The following PEDS1 variants were observed in gnomAD, a reference collection of about 807,000 sequenced individuals.
The protein encoded by PEDS1 is CarF homolog.
In PEDS1, 14 loss-of-function variants were observed where a neutral mutation model predicts 35.2. The ratio of observed to expected loss-of-function variants is 0.40; its 90% CI spans 0.26 to 0.62. The LOEUF (loss-of-function observed/expected upper bound fraction) is 0.62, where lower values mean the gene tolerates loss of function less well. Among genes scored for constraint, PEDS1 ranks in the 20% least tolerant of loss-of-function variants. The pLI, the probability that PEDS1 is intolerant of heterozygous loss-of-function variation, is 0.44. For missense variants in PEDS1, 260 were observed against 367.8 expected, an observed-to-expected ratio of 0.71 and a Z score of 2.40; for synonymous variants, 152 against 152.0, an observed-to-expected ratio of 1.00 and a Z score of 0.00.
At chr20:50,148,681 C>A (rs2081370710) in intron 1 of PEDS1, among the ~76,000 whole-genome samples, 1 of 152,110 alleles carries the variant, frequency 6.6e-6, no homozygotes, top group Non-Finnish European at 1.5e-5. Flanking sequence ...AGCTGGACTT[C>A]TGAGGACCCC....
Position 50,153,618 on chromosome 20 carries a change from C to A in PEDS1, c.20G>T (p.Trp7Leu), listed in dbSNP as rs1234947502. 2 of 1,304,038 alleles carry A rather than the reference C, an allele frequency of 1.5e-6. No homozygotes were observed. Among genetic ancestry groups the A allele is most frequent in the Non-Finnish European group, 2.0e-6 (2 of 1,021,402 alleles). The allele number at this position is 1,304,038 out of a possible 1,614,324, so 80.8% of individuals were successfully genotyped here. Residue 7 changes from tryptophan to leucine, a missense_variant, in exon 1 of 6, where the codon TGG becomes TTG. By Grantham distance (61) the Trp-to-Leu change is moderately conservative. Transcript: ENST00000371652. MAGAENWPGQQLELDED... is the reference protein window; with the variant it reads MAGAENLPGQQLELDED... ...GTCCAGCTCCAGCTGCTGGCCCGGC[C>A]AGTTCTCGGCGCCCGCCATGGCCAC...
Position 50,128,602 on chromosome 20 carries a change from T to G in PEDS1, c.479-415A>C, listed in dbSNP as rs1261061905. On this transcript the variant is annotated intron_variant, in intron 4 of 5. Transcript: ENST00000371652. The surrounding 1 kb of genome is among the most constrained non-coding windows in gnomAD (Gnocchi z 5.2). Reference sequence around the variant, plus strand: ...AAGCGGAGCCTGAAACAGGTTCTTGTGCATGTGATTTATCAAGGGAGCCTC... The same window carrying G: ...AAGCGGAGCCTGAAACAGGTTCTTGGGCATGTGATTTATCAAGGGAGCCTC... Among the ~76,000 whole-genome samples the G allele has an allele frequency of 6.6e-6, 1 of 152,050 alleles. No homozygotes were observed. The highest frequency in any genetic ancestry group is 1.5e-5 in the Non-Finnish European group (1 of 68,008).
At chr20:50,143,643 G>C in intron 1 of PEDS1, 22 bp from the exon 2 acceptor site, 2 of 1,613,588 alleles carry the variant, frequency 1.2e-6, no homozygotes, top group Non-Finnish European at 1.7e-6. Context: ...AGAGGCGAGA[G>C]GTAAAGGCTG....
At position 50,124,914 on chromosome 20, in the gene PEDS1, G is replaced by T; in HGVS notation, c.*144C>A. On this transcript the variant is annotated 3_prime_UTR_variant, in exon 6 of 6. Coordinates refer to ENST00000371652, the MANE Select transcript of PEDS1 (RefSeq NM_199129.4). ...CAGTGGCTCAAGTATTCTGTGTCAT[G>T]AGGGGTGGGCTGGGGTACCTGGGCC... The T allele has an allele frequency of 2.8e-6, 3 of 1,068,548 alleles. No homozygotes were observed. The highest frequency in any genetic ancestry group is 4.1e-6 in the Non-Finnish European group (3 of 733,286). The allele number at this position is 1,068,548 out of a possible 1,614,324, so 66.2% of individuals were successfully genotyped here. A position where few individuals can be genotyped will look rare whatever the true frequency, so the allele number is the denominator to read the frequency against.
At chr20:50,140,294 C>T (rs535561872) in intron 2 of PEDS1, among the ~76,000 whole-genome samples, 6 of 152,356 alleles carry the variant, frequency 3.9e-5, no homozygotes, top group South Asian at 4.1e-4. Flanking sequence ...CCATGGCAGG[C>T]GCCTCCTCCC....
At chr20:50,152,566 G>A (rs1601238853) in intron 1 of PEDS1, among the ~76,000 whole-genome samples, 1 of 152,144 alleles carries the variant, frequency 6.6e-6, no homozygotes, top group African/African-American at 2.4e-5. Context: ...GGTGTAGGGG[G>A]GGTGCTTGCT....
At position 50,122,061 on chromosome 20, in the gene PEDS1, T is replaced by C. The variant is rs1487338111; in HGVS notation, c.*2997A>G. 6.6e-6 allele frequency: 1 copy of C among 152,210 alleles called. No individual in the cohort carries two copies. Among genetic ancestry groups the C allele is most frequent in the Non-Finnish European group, 1.5e-5 (1 of 68,050 alleles). 9.4% of individuals were successfully genotyped at this position (152,210 alleles called of 1,614,324 possible). Reference sequence around the variant, plus strand: ...GGGCACGTGACCCAGTCCAGACCAATGAGAGCCTGCCCTGGGACTTCCACT... The same window carrying C: ...GGGCACGTGACCCAGTCCAGACCAACGAGAGCCTGCCCTGGGACTTCCACT... On this transcript the variant is annotated 3_prime_UTR_variant, in exon 6 of 6. Coordinates refer to ENST00000371652, the MANE Select transcript of PEDS1 (RefSeq NM_199129.4).
chr20:50,125,718 G>A (rs1400952887), intron 5 of PEDS1, among the ~76,000 whole-genome samples: 1 of 152,030 alleles, frequency 6.6e-6, no homozygotes, highest in African/African-American at 2.4e-5. Flanking sequence ...CTCAGCCTCC[G>A]AGTAGCTGAG....
In PEDS1 at chr20:50,119,032, A is replaced by G. The variant is rs2081029476; in HGVS notation, c.*6026T>C. On this transcript the variant is annotated 3_prime_UTR_variant, in exon 6 of 6. Transcript: ENST00000371652. ...CCACCTATCAGATTGGCAAAGAACA[A>G]AACATTTGATAACACGCTGTGTTGG... 1 of 152,228 alleles carries G rather than the reference A, an allele frequency of 6.6e-6. No individual in the cohort carries two copies. The highest frequency in any genetic ancestry group is 6.5e-5 in the Admixed American group (1 of 15,286). 9.4% of individuals were successfully genotyped at this position (152,228 alleles called of 1,614,324 possible).
At chr20:50,137,928 G>A (rs1006257818) in intron 2 of PEDS1, among the ~76,000 whole-genome samples, 5 of 152,100 alleles carry the variant, frequency 3.3e-5, no homozygotes, top group African/African-American at 1.2e-4. Context: ...GACAACTAAA[G>A]GCCATGTGAT....
intron 1 of PEDS1, among the ~76,000 whole-genome samples, chr20:50,152,501 C>T (rs1270673368): frequency 6.6e-6 from 1 of 152,142 alleles, no homozygotes; most frequent in Non-Finnish European, 1.5e-5. Context: ...GATATAGGGC[C>T]CTCCTGAGGC....
chr20:50,125,733 C>T (rs2081096008), intron 5 of PEDS1, among the ~76,000 whole-genome samples: 1 of 152,146 alleles, frequency 6.6e-6, no homozygotes, highest in East Asian at 1.9e-4. Context: ...GCTGAGACTA[C>T]AGGTGCACAC....
In PEDS1 at chr20:50,129,779, A is replaced by C; in HGVS notation, c.334-89T>G. 1 of 1,538,808 alleles carries C rather than the reference A, an allele frequency of 6.5e-7. No homozygotes were observed. The highest frequency in any genetic ancestry group is 8.7e-7 in the Non-Finnish European group (1 of 1,143,030). On this transcript the variant is annotated intron_variant, in intron 3 of 5. Coordinates refer to ENST00000371652, the MANE Select transcript of PEDS1 (RefSeq NM_199129.4). The surrounding 1 kb of genome is among the most constrained non-coding windows in gnomAD (Gnocchi z 4.2). Reference sequence around the variant, plus strand: ...CCCTAAACACATTCACCCTGGGCTCACCTCCCGCCTTTGATCCTAAGTTTC... The same window carrying C: ...CCCTAAACACATTCACCCTGGGCTCCCCTCCCGCCTTTGATCCTAAGTTTC...
At chr20:50,151,625 C>T (rs1383599525) in intron 1 of PEDS1, among the ~76,000 whole-genome samples, 3 of 152,122 alleles carry the variant, frequency 2.0e-5, no homozygotes, top group South Asian at 2.1e-4. Context: ...TGTGGGAGGC[C>T]GAGGTGGGCG....
chr20:50,128,003 G>A lies in PEDS1; in HGVS notation c.663C>T (p.Pro221=). The change falls in exon 5 of 6, where the codon CCC becomes CCT. Residue 221 remains proline (P), a synonymous_variant. Coordinates refer to ENST00000371652, the MANE Select transcript of PEDS1 (RefSeq NM_199129.4). This position sits in a 1 kb window ranked among gnomAD's most constrained non-coding sequence, Gnocchi z 5.2. ...RKHHRIHHVS[P]HETYFCITTG... ...TGGTGATGCAGAAGTAGGTCTCGTG[G>A]GGTGAGACGTGGTGGATGCGATGGT... 6 of 1,614,158 alleles carry A rather than the reference G, an allele frequency of 3.7e-6. No homozygotes were observed. The highest frequency in any genetic ancestry group is 5.1e-6 in the Non-Finnish European group (6 of 1,180,030).
In PEDS1 at chr20:50,122,190, C is replaced by T. The variant is rs925641793; in HGVS notation, c.*2868G>A. ...TTAGAGAGACCACGTTTTGATGAAT[C>T]ATGTGAGCCCCTGGGTCCTGCCAAA... On this transcript the variant is annotated 3_prime_UTR_variant, in exon 6 of 6. Transcript: ENST00000371652. 6.6e-6 allele frequency: 1 copy of T among 152,238 alleles called. No homozygotes were observed. Among genetic ancestry groups the T allele is most frequent in the African/African-American group, 2.4e-5 (1 of 41,460 alleles). 9.4% of individuals were successfully genotyped at this position (152,238 alleles called of 1,614,324 possible).
At chr20:50,127,508 A>AT (rs1051863653) in intron 5 of PEDS1, among the ~76,000 whole-genome samples, 1 of 151,294 alleles carries the variant, frequency 6.6e-6, no homozygotes, top group Non-Finnish European at 1.5e-5. Flanking sequence ...AGCCCAATTA[A>AT]TTTTTTTTCG....
rs1426032302 is a variant in PEDS1 at position 50,119,396 on chromosome 20, A to G, written c.*5662T>C. 6.8e-6 allele frequency: 1 copy of G among 148,128 alleles called. No individual in the cohort carries two copies. Among genetic ancestry groups the G allele is most frequent in the Non-Finnish European group, 1.5e-5 (1 of 67,528 alleles). 9.2% of individuals were successfully genotyped at this position (148,128 alleles called of 1,614,324 possible). ...GGCTGTAGTGAGCTGGGATTGCACC[A>G]CTGCACTCTAGCCCAGGTAATAGAG... On this transcript the variant is annotated 3_prime_UTR_variant, in exon 6 of 6. Transcript: ENST00000371652.
At chr20:50,126,303 G>A (rs1163941878) in intron 5 of PEDS1, among the ~76,000 whole-genome samples, 2 of 152,170 alleles carry the variant, frequency 1.3e-5, no homozygotes, top group South Asian at 2.1e-4. Context: ...AGCACACTGA[G>A]GCTTAGAGAA....
Sources: allele counts gnomAD v4.1 joint callset (sites outside exome capture counted in the v4.1 genomes callset), GRCh38; gene constraint gnomAD v4.1.1; non-coding constraint Gnocchi (gnomAD v3.1); transcripts MANE v1.5; gene names NCBI Gene and HGNC (gene_info 2026-07-23, HGNC 2026-07-21).